The following RYR3 variants were observed in gnomAD, a reference collection of about 807,000 sequenced individuals.
RYR3 encodes brain ryanodine receptor-calcium release channel.
RYR3 carries 207 observed loss-of-function variants against 584.3 expected under a neutral mutation model. That is an observed-to-expected ratio of 0.35 (90% CI 0.32 to 0.40). The LOEUF is 0.40. RYR3 is among the 10% of genes least tolerant of loss of function. The pLI, the probability that RYR3 is intolerant of heterozygous loss-of-function variation, is 1.00. For missense variants in RYR3, 5,616 were observed against 6,089.2 expected (o/e 0.92, Z 2.59); for synonymous variants, 2,416 against 2,248.5 (o/e 1.07, Z -2.11).
rs780763245 is a variant in RYR3 at position 33,662,366 on chromosome 15, C to T, written c.4836C>T (p.Ser1612=). Residue 1612 remains serine (S), a synonymous_variant, in exon 35 of 104, where the codon AGC becomes AGT. Transcript: ENST00000634891. ...CTGGTTTCTATGACCTGCTCATCAG[C>T]ATCCACCTGGCCAGCGCCAAGGAGA... ...LRSGFYDLLI[S]IHLASAKERK... 1.9e-6 allele frequency: 3 copies of T among 1,613,050 alleles called. No individual in the cohort carries two copies. The highest frequency in any genetic ancestry group is 3.3e-5 in the Admixed American group (2 of 59,842).
At chr15:33,820,634 C>T (rs541385734) in intron 77 of RYR3, 122 bp from the exon 78 acceptor site, 24 of 779,116 alleles carry the variant, frequency 3.1e-5, no homozygotes, top group East Asian at 5.5e-5. Flanking sequence ...CTTTACACAA[C>T]GCTGAGGTCC....
chr15:33,662,229 G>A lies in RYR3; in HGVS notation c.4699G>A (p.Ala1567Thr), dbSNP rs748141606. 1.1e-5 allele frequency: 18 copies of A among 1,609,008 alleles called. No individual in the cohort carries two copies. The highest frequency in any genetic ancestry group is 4.0e-5 in the African/African-American group (3 of 74,862). ...FHYHTLRLYS[A>T]VCALGNSRVA... ...TTACCACACGCTGAGGCTCTACAGC[G>A]CGGTGTGCGCCCTGGGAAACAGCCG... The change falls in exon 35 of 104, where the codon GCG becomes ACG. Residue 1567 changes from alanine (A) to threonine (T), a missense_variant. Physicochemically the swap from Ala to Thr is moderately conservative, Grantham distance 58 (BLOSUM62 0). Around this residue, in one of 9 missense-constraint regions of RYR3, gnomAD observed 753 missense variants for 741.0 expected, o/e 1.02. Transcript: ENST00000634891.
chr15:33,566,849 T>G, intron 12 of RYR3, 50 bp downstream of exon 12: 1 of 1,603,620 alleles, frequency 6.2e-7, no homozygotes, highest in Non-Finnish European at 8.5e-7. Flanking sequence ...CTCTGTGGCC[T>G]GCCAACACCA....
intron 1 of RYR3, among the ~76,000 whole-genome samples, chr15:33,367,752 C>T (rs1363492796): frequency 6.6e-6 from 1 of 152,144 alleles, no homozygotes; most frequent in Non-Finnish European, 1.5e-5. Flanking sequence ...TCGCATATCC[C>T]TGAAACTAAT....
chr15:33,625,314 A>G (rs561539638), intron 20 of RYR3, among the ~76,000 whole-genome samples: 2 of 152,196 alleles, frequency 1.3e-5, no homozygotes, highest in African/African-American at 2.4e-5. Flanking sequence ...ACAATTCGAG[A>G]TGATATTTGG....
At chr15:33,518,698 G>GT (rs1239180687) in intron 3 of RYR3, among the ~76,000 whole-genome samples, 1 of 152,250 alleles carries the variant, frequency 6.6e-6, no homozygotes, top group African/African-American at 2.4e-5. Flanking sequence ...CAGCAAAGGA[G>GT]TTTTTTTGTT....
At chr15:33,432,734 C>T (rs576648756) in intron 1 of RYR3, among the ~76,000 whole-genome samples, 1 of 146,314 alleles carries the variant, frequency 6.8e-6, no homozygotes, top group South Asian at 2.1e-4. Context: ...GTTGGCTAGG[C>T]TAGTCTCAAA....
In RYR3 at chr15:33,551,473, G is replaced by A. The variant is rs377477626; in HGVS notation, c.972+1157G>A. ...AGTCAGCACTGTCCCCTTCTTTGGT[G>A]CAGGGGTTCGGAGTCTGTTTTCTCC... On this transcript the variant is annotated intron_variant, in intron 10 of 103. Coordinates refer to ENST00000634891, the MANE Select transcript of RYR3 (RefSeq NM_001036.6). Among the ~76,000 whole-genome samples, 593 of 152,270 alleles carry A rather than the reference G, an allele frequency of 3.9e-3. 5 individuals carry two copies. The highest frequency in any genetic ancestry group is 0.014 in the African/African-American group (564 of 41,558).
intron 44 of RYR3, 83 bp downstream of exon 44, chr15:33,722,978 A>G: frequency 1.6e-6 from 2 of 1,243,358 alleles, no homozygotes; most frequent in Non-Finnish European, 2.2e-6. Flanking sequence ...TTTAGGAGGT[A>G]ATAGAGAAAG....
chr15:33,369,186 C>T (rs1212587857), intron 1 of RYR3, among the ~76,000 whole-genome samples: 1 of 152,178 alleles, frequency 6.6e-6, no homozygotes, highest in African/African-American at 2.4e-5. Flanking sequence ...GGCCACACAC[C>T]TAGAAAGTGG....
intron 1 of RYR3, among the ~76,000 whole-genome samples, chr15:33,321,237 A>T (rs188068243): frequency 4.6e-5 from 7 of 152,306 alleles, no homozygotes; most frequent in African/African-American, 1.4e-4. Context: ...AATTTACTGT[A>T]TTTCTAATAA....
At position 33,859,592 on chromosome 15, in the gene RYR3, G is replaced by A. The variant is rs1212115880; in HGVS notation, c.14160G>A (p.Met4720Ile). Reference sequence around the variant, plus strand: ...TTCTCTAGTGTTACCTTTTCCACATGTACGTGGGAGTGAGAGCAGGAGGTG... The same window carrying A: ...TTCTCTAGTGTTACCTTTTCCACATATACGTGGGAGTGAGAGCAGGAGGTG... ...DDMMTCYLFHMYVGVRAGGGI... is the reference protein window; with the variant it reads ...DDMMTCYLFHIYVGVRAGGGI... Residue 4720 changes from methionine (M) to isoleucine (I), a missense_variant, in exon 100 of 104, where the codon ATG becomes ATA. Physicochemically the swap from Met to Ile is conservative, Grantham distance 10 (BLOSUM62 1). Coordinates refer to ENST00000634891, the MANE Select transcript of RYR3 (RefSeq NM_001036.6). The A allele has an allele frequency of 1.2e-6, 2 of 1,613,854 alleles. No individual in the cohort carries two copies. Among genetic ancestry groups the A allele is most frequent in the East Asian group, 2.2e-5 (1 of 44,900 alleles).
At chr15:33,793,997 T>G (rs1567183380) in intron 67 of RYR3, among the ~76,000 whole-genome samples, 2 of 83,846 alleles carry the variant, frequency 2.4e-5, no homozygotes, top group African/African-American at 3.4e-5. Flanking sequence ...TATAAATACA[T>G]ATAATACACA....
At chr15:33,347,020 G>A (rs886228619) in intron 1 of RYR3, among the ~76,000 whole-genome samples, 1 of 152,174 alleles carries the variant, frequency 6.6e-6, no homozygotes, top group Admixed American at 6.5e-5. Flanking sequence ...CTGGGAGTAT[G>A]TGTTTTGGGG....
At position 33,504,597 on chromosome 15, in the gene RYR3, A is replaced by G. The variant is rs546138696; in HGVS notation, c.279+859A>G. 5.9e-5 allele frequency among the ~76,000 whole-genome samples: 9 copies of G among 152,262 alleles called. No homozygotes were observed. The East Asian group carries it at 9.6e-4, about 16-fold the overall frequency. On this transcript the variant is annotated intron_variant, in intron 3 of 103. Coordinates refer to ENST00000634891, the MANE Select transcript of RYR3 (RefSeq NM_001036.6). ...CAGCAGTTCTTTCCAAAATGCAAAT[A>G]CAATTATTACAGTTGCCTGTTTTAA...
chr15:33,529,765 A>G (rs1371251730), intron 3 of RYR3, among the ~76,000 whole-genome samples: 1 of 152,152 alleles, frequency 6.6e-6, no homozygotes, highest in Non-Finnish European at 1.5e-5. Flanking sequence ...TTTTCTGTAG[A>G]TTTCCATTTT....
intron 93 of RYR3, among the ~76,000 whole-genome samples, chr15:33,846,680 A>T (rs1490137955): frequency 1.3e-5 from 2 of 152,200 alleles, no homozygotes; most frequent in Non-Finnish European, 2.9e-5. Flanking sequence ...CCTGGGCTAC[A>T]CTAAGGACTC....
At chr15:33,829,649 A>G (rs1397601902) in intron 85 of RYR3, among the ~76,000 whole-genome samples, 1 of 151,596 alleles carries the variant, frequency 6.6e-6, no homozygotes, top group Non-Finnish European at 1.5e-5. Context: ...GCTACTCGGG[A>G]GGCTGAGGCA....
intron 1 of RYR3, among the ~76,000 whole-genome samples, chr15:33,419,164 AGC>A (rs1278649678): frequency 2.0e-5 from 3 of 152,300 alleles, no homozygotes; most frequent in East Asian, 3.9e-4. Context: ...TTCCTGAGGA[AGC>A]CTGGGCAGGG....
Sources: gnomAD v4.1 joint callset for allele counts (sites outside exome capture counted in the v4.1 genomes callset) on GRCh38, gnomAD v4.1.1 for gene constraint, gnomAD v4.1.1 regional missense constraint, MANE v1.5 for transcripts, NCBI Gene and HGNC (gene_info 2026-07-23, HGNC 2026-07-21) for gene names.